Variants in PLD1 observed in about 807,000 individuals in gnomAD.
PLD1 encodes the protein choline phosphatase 1.
PLD1 carries 112 observed loss-of-function variants against 137.1 expected under a neutral mutation model. That is an observed-to-expected ratio of 0.82 (90% CI 0.70 to 0.96). The LOEUF is 0.96. Ranked by LOEUF, PLD1 falls within the 40% of genes least tolerant of loss-of-function variation. PLD1 has a pLI of 0.00. For synonymous variants in PLD1, 431 were observed against 454.7 expected, an observed-to-expected ratio of 0.95 and a Z score of 0.66; for missense variants, 1,321 against 1,342.0, an observed-to-expected ratio of 0.98 and a Z score of 0.24.
chr3:171,709,737 A>C (rs773299222), intron 9 of PLD1, 28 bp from the exon 10 acceptor site: 2 of 1,601,090 alleles, frequency 1.2e-6, no homozygotes, highest in South Asian at 2.2e-5. Flanking sequence ...AATATTGAAA[A>C]GACTGGTCAC....
chr3:171,655,343 T>C (rs1386996494), intron 21 of PLD1, among the ~76,000 whole-genome samples: 2 of 152,064 alleles, frequency 1.3e-5, no homozygotes, highest in Non-Finnish European at 2.9e-5. Flanking sequence ...CTGCAAAATA[T>C]GTTGTTTCTT....
intron 8 of PLD1, among the ~76,000 whole-genome samples, 196 bp from the exon 9 acceptor site, chr3:171,714,241 T>G (rs1717502286): frequency 6.6e-6 from 1 of 152,196 alleles, no homozygotes; most frequent in Non-Finnish European, 1.5e-5. Flanking sequence ...TATTACGTTT[T>G]TCTAAGAAAC....
chr3:171,710,198 C>A (rs1334366708), intron 9 of PLD1, among the ~76,000 whole-genome samples: 2 of 152,122 alleles, frequency 1.3e-5, no homozygotes, highest in African/African-American at 4.8e-5. Flanking sequence ...GTAGCTGGGA[C>A]TACAGGCACC....
chr3:171,801,734 C>T (rs930575436), intron 1 of PLD1, among the ~76,000 whole-genome samples: 1 of 152,194 alleles, frequency 6.6e-6, no homozygotes, highest in Non-Finnish European at 1.5e-5. Flanking sequence ...CAGCCTATGG[C>T]CTGCCTTTCT....
At chr3:171,705,320 C>G (rs1445560753) in intron 11 of PLD1, among the ~76,000 whole-genome samples, 1 of 152,146 alleles carries the variant, frequency 6.6e-6, no homozygotes, top group Non-Finnish European at 1.5e-5. Context: ...GAACCCCAAA[C>G]AGGATAAACC....
chr3:171,806,690 ATTGCTACACACTGCTTTTAG>A lies in PLD1; in HGVS notation c.-32+3689_-32+3708del, dbSNP rs561815814. Reference sequence around the variant, plus strand: ...AGTAAACATCTGGGATGGACAGGAAATTGCTACACACTGCTTTTAGTTACTAAAAAGGCAACACTACCTGA... The same window carrying A: ...AGTAAACATCTGGGATGGACAGGAAATTACTAAAAAGGCAACACTACCTGA... On this transcript the variant is annotated intron_variant, in intron 1 of 26. Transcript: ENST00000351298. Among the ~76,000 whole-genome samples, 18 of 152,334 alleles carry A rather than the reference ATTGCTACACACTGCTTTTAG, an allele frequency of 1.2e-4. No individual in the cohort carries two copies. In the South Asian group the frequency reaches 3.3e-3, roughly 28 times the overall value.
intron 1 of PLD1, among the ~76,000 whole-genome samples, chr3:171,806,817 C>G (rs1255610360): frequency 1.3e-5 from 2 of 152,196 alleles, no homozygotes; most frequent in African/African-American, 4.8e-5. Flanking sequence ...GATAGATACT[C>G]AGGAGAGGAA....
chr3:171,769,000 A>C lies in PLD1; in HGVS notation c.-31-30918T>G, dbSNP rs1271741459. Among the ~76,000 whole-genome samples the C allele has an allele frequency of 3.9e-5, 6 of 152,306 alleles. No individual in the cohort carries two copies. The East Asian group carries it at 1.2e-3, about 29-fold the overall frequency. On this transcript the variant is annotated intron_variant, in intron 1 of 26. Coordinates refer to ENST00000351298, the MANE Select transcript of PLD1 (RefSeq NM_002662.5). ...AATGCAATGTGTGTTCCAAACCTAG[A>C]ATCAGGAATAATCTAAGGTTTGCTT...
chr3:171,790,673 T>C (rs9839909), intron 1 of PLD1, among the ~76,000 whole-genome samples: 47,013 of 152,014 alleles, frequency 0.31, 7,574 homozygotes, highest in Admixed American at 0.36. Context: ...ATGCTCCTCT[T>C]CCTCTATTCT....
At position 171,709,555 on chromosome 3, in the gene PLD1, C is replaced by T; in HGVS notation, c.1061+5G>A. On this transcript the variant is annotated splice_donor_5th_base_variant and intron_variant, in intron 10 of 26. Transcript: ENST00000351298. ...CTTGACAGGCTTAGAGAAATAATAACTTACCATTTAGCTAAAGCATTCTCT... is the reference window on the plus strand; with the variant it reads ...CTTGACAGGCTTAGAGAAATAATAATTTACCATTTAGCTAAAGCATTCTCT... 1 of 1,613,106 alleles carries T rather than the reference C, an allele frequency of 6.2e-7. No homozygotes were observed. Among genetic ancestry groups the T allele is most frequent in the Non-Finnish European group, 8.5e-7 (1 of 1,179,340 alleles).
Position 171,799,105 on chromosome 3 carries a change from C to A in PLD1, c.-32+11294G>T, listed in dbSNP as rs1195595727. ...CCTGTAATCCCAGCACTTCGGGAGGCCGAGGCAGGTGGATCACAAGGTCAG... is the reference window on the plus strand; with the variant it reads ...CCTGTAATCCCAGCACTTCGGGAGGACGAGGCAGGTGGATCACAAGGTCAG... On this transcript the variant is annotated intron_variant, in intron 1 of 26. Coordinates refer to ENST00000351298, the MANE Select transcript of PLD1 (RefSeq NM_002662.5). Among the ~76,000 whole-genome samples the A allele has an allele frequency of 2.0e-5, 3 of 152,264 alleles. No individual in the cohort carries two copies. The East Asian group carries it at 5.8e-4, about 29-fold the overall frequency.
chr3:171,792,522 G>T (rs896837793), intron 1 of PLD1: 5 of 453,600 alleles, frequency 1.1e-5, no homozygotes, highest in Admixed American at 4.7e-5. Context: ...AGACACGAAG[G>T]TCTCGCTGAG....
chr3:171,713,816 T>C, intron 9 of PLD1, 77 bp downstream of exon 9: 1 of 1,311,540 alleles, frequency 7.6e-7, no homozygotes, highest in South Asian at 1.3e-5. Context: ...TTAAACTCCT[T>C]TTTTACTTAA....
chr3:171,692,346 G>A lies in PLD1; in HGVS notation c.1324C>T (p.His442Tyr). 6.8e-7 allele frequency: 1 copy of A among 1,479,662 alleles called. No homozygotes were observed. Among genetic ancestry groups the A allele is most frequent in the Non-Finnish European group, 9.5e-7 (1 of 1,057,242 alleles). The allele number at this position is 1,479,662 out of a possible 1,614,324, so 91.7% of individuals were successfully genotyped here. A position where few individuals can be genotyped will look rare whatever the true frequency, so the allele number is the denominator to read the frequency against. Residue 442 changes from histidine to tyrosine, a missense_variant, in exon 13 of 27, where the codon CAT becomes TAT. Transcript: ENST00000351298. The part of the protein sequence containing the change: ...EYTKRTLMRL[H>Y]PNIKVMRHPD... The stretch of plus-strand genomic sequence containing the variant: ...AACCTGAATACCTTTATGTTGGGAT[G>A]TAGACGCATCAAAGTCCTCTTGGTG...
chr3:171,702,820 A>C (rs1177929060), intron 11 of PLD1, among the ~76,000 whole-genome samples: 1 of 152,156 alleles, frequency 6.6e-6, no homozygotes, highest in Non-Finnish European at 1.5e-5. Context: ...AAATGATGCT[A>C]GTACTACCTA....
At chr3:171,724,347 G>A (rs1241740531) in intron 8 of PLD1, among the ~76,000 whole-genome samples, 3 of 152,076 alleles carry the variant, frequency 2.0e-5, no homozygotes, top group Non-Finnish European at 2.9e-5. Context: ...CCATCCTTAT[G>A]GGTGTGAAAT....
At chr3:171,672,909 A>G (rs1712939085) in intron 19 of PLD1, among the ~76,000 whole-genome samples, 1 of 152,252 alleles carries the variant, frequency 6.6e-6, no homozygotes, top group Non-Finnish European at 1.5e-5. Flanking sequence ...CTTTACCAAC[A>G]GTGAAGTGGA....
intron 1 of PLD1, among the ~76,000 whole-genome samples, chr3:171,799,376 AAAG>A (rs1195404435): frequency 2.0e-5 from 3 of 151,804 alleles, no homozygotes; most frequent in East Asian, 1.9e-4. Flanking sequence ...GAAAAAAAAA[AAAG>A]AAGGACTTGC....
intron 1 of PLD1, among the ~76,000 whole-genome samples, chr3:171,776,368 C>T (rs935144267): frequency 6.6e-6 from 1 of 152,210 alleles, no homozygotes; most frequent in African/African-American, 2.4e-5. Context: ...CACTTCTCTC[C>T]AGGCTTCTAT....
Sources: gnomAD v4.1 joint callset for allele counts (sites outside exome capture counted in the v4.1 genomes callset) on GRCh38, gnomAD v4.1.1 for gene constraint, MANE v1.5 for transcripts, NCBI Gene and HGNC (gene_info 2026-07-23, HGNC 2026-07-21) for gene names.